The following CDK14 variants were observed in gnomAD, a reference collection of about 807,000 sequenced individuals.
The protein encoded by CDK14 is cyclin dependent kinase 14, also known as cyclin-dependent kinase 14.
Under a neutral mutation model 60.7 loss-of-function variants are expected in CDK14, and 34 were observed. The observed-to-expected ratio is 0.56, with a 90% CI of 0.43 to 0.75. The LOEUF (loss-of-function observed/expected upper bound fraction) is 0.75. Ranked by LOEUF, CDK14 falls within the 30% of genes least tolerant of loss-of-function variation. CDK14 has a pLI of 0.00. For missense variants in CDK14, 482 were observed against 564.1 expected, an observed-to-expected ratio of 0.85 and a Z score of 1.47; for synonymous variants, 197 against 203.7, an observed-to-expected ratio of 0.97 and a Z score of 0.28.
chr7:90,604,412 G>A (rs1584735550), intron 2 of CDK14, among the ~76,000 whole-genome samples, 163 bp downstream of exon 2: 1 of 152,108 alleles, frequency 6.6e-6, no homozygotes, highest in African/African-American at 2.4e-5. Flanking sequence ...TTAAATAATC[G>A]TTCAAATGAG....
At chr7:91,168,311 TTAAA>T (rs1045015750) in intron 14 of CDK14, among the ~76,000 whole-genome samples, 2 of 151,612 alleles carry the variant, frequency 1.3e-5, no homozygotes, top group Admixed American at 6.6e-5. Flanking sequence ...GTTATGTGAA[TTAAA>T]TAAATTAACT....
intron 9 of CDK14, among the ~76,000 whole-genome samples, chr7:90,959,804 G>A (rs1437731050): frequency 1.3e-5 from 2 of 152,074 alleles, no homozygotes; most frequent in Non-Finnish European, 2.9e-5. Context: ...AAACAACCCT[G>A]TGTGATTTGG....
chr7:90,937,794 T>C (rs942270182), intron 8 of CDK14, among the ~76,000 whole-genome samples: 1 of 152,258 alleles, frequency 6.6e-6, no homozygotes, highest in African/African-American at 2.4e-5. Flanking sequence ...ACCCCTGTTC[T>C]AGACCTTTGC....
At chr7:91,174,490 C>G (rs1801655517) in intron 14 of CDK14, among the ~76,000 whole-genome samples, 2 of 151,930 alleles carry the variant, frequency 1.3e-5, no homozygotes, top group South Asian at 4.2e-4. Flanking sequence ...AAGAAGGCTT[C>G]AGACGGTCAA....
chr7:91,199,517 C>T (rs1463559087), intron 14 of CDK14, among the ~76,000 whole-genome samples: 2 of 152,108 alleles, frequency 1.3e-5, no homozygotes, highest in Non-Finnish European at 2.9e-5. Context: ...AATAAACAGT[C>T]ACACCATTAA....
intron 9 of CDK14, among the ~76,000 whole-genome samples, chr7:90,978,365 G>A (rs961791924): frequency 1.3e-5 from 2 of 152,078 alleles, no homozygotes; most frequent in African/African-American, 4.8e-5. Context: ...TCCTTTTGTC[G>A]ATATAGGGGC....
At chr7:90,983,815 A>G (rs762022398) in intron 9 of CDK14, among the ~76,000 whole-genome samples, 5 of 152,202 alleles carry the variant, frequency 3.3e-5, no homozygotes, top group Non-Finnish European at 7.3e-5. Flanking sequence ...GGAGCTAAAC[A>G]TCAGGTACTC....
chr7:90,733,252 C>G (rs916843310), intron 3 of CDK14, among the ~76,000 whole-genome samples: 5 of 152,034 alleles, frequency 3.3e-5, no homozygotes, highest in African/African-American at 4.8e-5. Flanking sequence ...TGTTTTACTT[C>G]CAGTTATGTG....
At chr7:90,677,993 A>G (rs1801235006) in intron 2 of CDK14, among the ~76,000 whole-genome samples, 1 of 152,164 alleles carries the variant, frequency 6.6e-6, no homozygotes, top group African/African-American at 2.4e-5. Context: ...CAGAGTCAAC[A>G]TTTGGGCCAG....
At chr7:90,704,477 G>T (rs1299866147) in intron 2 of CDK14, among the ~76,000 whole-genome samples, 1 of 152,094 alleles carries the variant, frequency 6.6e-6, no homozygotes, top group Non-Finnish European at 1.5e-5. Flanking sequence ...GAATTGTGTT[G>T]TTTTTATTAG....
intron 11 of CDK14, among the ~76,000 whole-genome samples, chr7:91,074,695 G>C (rs1387439029): frequency 6.6e-6 from 1 of 152,046 alleles, no homozygotes; most frequent in Non-Finnish European, 1.5e-5. Flanking sequence ...CCCTTCAAAA[G>C]ATGAATGTAT....
chr7:91,023,097 GGTGT>G (rs1796478274), intron 10 of CDK14, among the ~76,000 whole-genome samples: 1 of 151,774 alleles, frequency 6.6e-6, no homozygotes, highest in Non-Finnish European at 1.5e-5. Context: ...TGTGAAACTT[GGTGT>G]TTCTTGATTT....
At position 90,990,013 on chromosome 7, in the gene CDK14, G is replaced by T. The variant is rs115021802; in HGVS notation, c.1041+5772G>T. Among the ~76,000 whole-genome samples, 1,186 of 152,304 alleles carry T rather than the reference G, an allele frequency of 7.8e-3. 20 individuals are homozygous for T. Among genetic ancestry groups the T allele is most frequent in the African/African-American group, 0.028 (1,145 of 41,560 alleles). On this transcript the variant is annotated intron_variant, in intron 10 of 14. Coordinates refer to ENST00000380050, the MANE Select transcript of CDK14 (RefSeq NM_001287135.2). Reference sequence around the variant, plus strand: ...GGTATAGGAGTGGGTGGAAGGTGAGGTTGAATGTTCAAGACTGCACTTTGA... The same window carrying T: ...GGTATAGGAGTGGGTGGAAGGTGAGTTTGAATGTTCAAGACTGCACTTTGA...
chr7:91,209,464 C>A lies in CDK14; in HGVS notation c.*2328C>A, dbSNP rs1261143392. On this transcript the variant is annotated 3_prime_UTR_variant, in exon 15 of 15. Coordinates refer to ENST00000380050, the MANE Select transcript of CDK14 (RefSeq NM_001287135.2). ...CTCTCACTCCCTCCCTCCCTCTCTC[C>A]TTCCCCTATTTGCAATCATATTCTC... The A allele has an allele frequency of 6.6e-6, 1 of 152,344 alleles. No individual in the cohort carries two copies. Among genetic ancestry groups the A allele is most frequent in the Non-Finnish European group, 1.5e-5 (1 of 68,028 alleles). The allele number at this position is 152,344 out of a possible 1,614,324, so 9.4% of individuals were successfully genotyped here. A position where few individuals can be genotyped will look rare whatever the true frequency, so the allele number is the denominator to read the frequency against.
At chr7:90,806,246 A>G (rs893917886) in intron 5 of CDK14, among the ~76,000 whole-genome samples, 8 of 152,208 alleles carry the variant, frequency 5.3e-5, no homozygotes, top group African/African-American at 1.9e-4. Flanking sequence ...TAGATATGAC[A>G]GCAAAAACGT....
chr7:90,640,224 G>T (rs544952555), intron 2 of CDK14, among the ~76,000 whole-genome samples: 1 of 152,064 alleles, frequency 6.6e-6, no homozygotes, highest in Non-Finnish European at 1.5e-5. Context: ...CTCACGCTGG[G>T]AGCTGTAGAC....
At chr7:91,119,942 G>A (rs1025110651) in intron 14 of CDK14, among the ~76,000 whole-genome samples, 1 of 152,202 alleles carries the variant, frequency 6.6e-6, no homozygotes, top group African/African-American at 2.4e-5. Context: ...GTCAGACAAA[G>A]AGTGGGGCTA....
At chr7:90,974,641 A>G (rs371262874) in intron 9 of CDK14, among the ~76,000 whole-genome samples, 1 of 152,174 alleles carries the variant, frequency 6.6e-6, no homozygotes, top group African/African-American at 2.4e-5. Flanking sequence ...AATAATCTTT[A>G]TGTCTTATTC....
chr7:90,985,118 A>C (rs1331344142), intron 10 of CDK14, among the ~76,000 whole-genome samples: 1 of 152,218 alleles, frequency 6.6e-6, no homozygotes, highest in Non-Finnish European at 1.5e-5. Context: ...AGTGGTATAC[A>C]TGAGCTCTCT....
Sources: allele counts gnomAD v4.1 joint callset (sites outside exome capture counted in the v4.1 genomes callset), GRCh38; gene constraint gnomAD v4.1.1; transcripts MANE v1.5; gene names NCBI Gene and HGNC (gene_info 2026-07-23, HGNC 2026-07-21).